The following NTNG1 variants were observed in gnomAD, a reference collection of about 807,000 sequenced individuals.
NTNG1 encodes the protein netrin-G1.
Under a neutral mutation model 54.0 loss-of-function variants are expected in NTNG1, and 16 were observed. The ratio of observed to expected loss-of-function variants is 0.30; its 90% CI spans 0.20 to 0.45. The LOEUF is 0.45. Ranked by LOEUF, NTNG1 falls within the 20% of genes least tolerant of loss-of-function variation. The pLI is 1.00. For synonymous variants in NTNG1, 255 were observed against 263.1 expected (o/e 0.97, Z 0.30); for missense variants, 530 against 678.7 (o/e 0.78, Z 2.43).
intron 2 of NTNG1, 42 bp from the exon 3 acceptor site, chr1:107,324,240 A>C: frequency 6.3e-7 from 1 of 1,586,010 alleles, no homozygotes; most frequent in Non-Finnish European, 8.6e-7. Flanking sequence ...ACTTGTGGCA[A>C]ACCAGTGTTT....
Position 107,302,451 on chromosome 1 carries a change from A to ATAT in NTNG1, c.247-21818_247-21816dup, listed in dbSNP as rs893775839. 1.3e-3 allele frequency among the ~76,000 whole-genome samples: 192 copies of ATAT among 152,162 alleles called. 1 individual carries two copies. The highest frequency in any genetic ancestry group is 4.5e-3 in the African/African-American group (185 of 41,518). On this transcript the variant is annotated intron_variant, in intron 2 of 7. Transcript: ENST00000370068. Reference sequence around the variant, plus strand: ...TTGGCACCTGTCCATTTCAAGAAAAATATTATTATTATTATAAATACTATC... The same window carrying ATAT: ...TTGGCACCTGTCCATTTCAAGAAAAATATTATTATTATTATTATAAATACTATC...
intron 2 of NTNG1, among the ~76,000 whole-genome samples, chr1:107,149,363 A>G (rs910037393): frequency 2.0e-5 from 3 of 152,184 alleles, no homozygotes; most frequent in Admixed American, 6.6e-5. Flanking sequence ...GAAAAAAAGT[A>G]GAGGAGAGAG....
At chr1:107,460,641 T>A (rs1192227659) in intron 7 of NTNG1, among the ~76,000 whole-genome samples, 2 of 152,208 alleles carry the variant, frequency 1.3e-5, no homozygotes, top group African/African-American at 4.8e-5. Flanking sequence ...CAGTACATCC[T>A]TCAGCTTTCA....
chr1:107,153,335 T>C (rs1399427830), intron 2 of NTNG1, among the ~76,000 whole-genome samples: 2 of 152,210 alleles, frequency 1.3e-5, no homozygotes, highest in Non-Finnish European at 2.9e-5. Flanking sequence ...TGACATGGAA[T>C]TACTATCAAT....
At chr1:107,284,499 T>A (rs927318775) in intron 2 of NTNG1, among the ~76,000 whole-genome samples, 3 of 152,078 alleles carry the variant, frequency 2.0e-5, no homozygotes, top group Admixed American at 6.6e-5. Flanking sequence ...CTTCAGCAAG[T>A]CTATACTTAA....
At chr1:107,182,303 A>G (rs756231719) in intron 2 of NTNG1, among the ~76,000 whole-genome samples, 35 of 152,152 alleles carry the variant, frequency 2.3e-4, no homozygotes, top group Admixed American at 7.9e-4. Context: ...ATTTCCTAGC[A>G]ACAGAAACAT....
chr1:107,428,744 AC>A (rs1175422098), intron 5 of NTNG1, among the ~76,000 whole-genome samples: 3 of 152,170 alleles, frequency 2.0e-5, no homozygotes, highest in Middle Eastern at 6.8e-3. Flanking sequence ...AAACTCTCAA[AC>A]ATAGAAGGCT....
At chr1:107,442,013 C>A (rs1373007663) in intron 7 of NTNG1, among the ~76,000 whole-genome samples, 1 of 152,018 alleles carries the variant, frequency 6.6e-6, no homozygotes, top group East Asian at 1.9e-4. Flanking sequence ...GACCACTAGA[C>A]CATTTAGAGG....
At chr1:107,190,884 C>T (rs12727974) in intron 2 of NTNG1, among the ~76,000 whole-genome samples, 1,593 of 152,288 alleles carry the variant, frequency 0.01, 35 homozygotes, top group Admixed American at 0.017. Flanking sequence ...CCGCTATAAA[C>T]ATACATGTGC....
Position 107,148,388 on chromosome 1 carries a change from TAC to T in NTNG1, c.-205_-204del. ...TAGGCTTCCACCAAAGTCCTCAATA[TAC>T]CTGAATACGCACAATATCTTAACTC... On this transcript the variant is annotated 5_prime_UTR_variant, in exon 2 of 8. It removes the in-frame stop codon of an upstream open reading frame in the 5' UTR. Transcript: ENST00000370068. 1 of 547,228 alleles carries T rather than the reference TAC, an allele frequency of 1.8e-6. No homozygotes were observed. Among genetic ancestry groups the T allele is most frequent in the Non-Finnish European group, 3.2e-6 (1 of 307,926 alleles). 33.9% of individuals were successfully genotyped at this position (547,228 alleles called of 1,614,324 possible).
chr1:107,175,736 G>A (rs1401659954), intron 2 of NTNG1, among the ~76,000 whole-genome samples: 1 of 152,106 alleles, frequency 6.6e-6, no homozygotes, highest in African/African-American at 2.4e-5. Flanking sequence ...AGGGCACAGA[G>A]TGAATTTTCT....
At chr1:107,365,579 T>G (rs1253051140) in intron 3 of NTNG1, among the ~76,000 whole-genome samples, 1 of 152,244 alleles carries the variant, frequency 6.6e-6, no homozygotes, top group African/African-American at 2.4e-5. Flanking sequence ...GATGTAATGA[T>G]GTCTATAAAT....
intron 2 of NTNG1, among the ~76,000 whole-genome samples, chr1:107,266,194 A>G (rs1186277128): frequency 6.6e-6 from 1 of 152,222 alleles, no homozygotes; most frequent in Non-Finnish European, 1.5e-5. Context: ...TCACTTGAAT[A>G]GTGAATATGG....
At chr1:107,173,638 T>C (rs1158427997) in intron 2 of NTNG1, among the ~76,000 whole-genome samples, 3 of 152,104 alleles carry the variant, frequency 2.0e-5, no homozygotes, top group Non-Finnish European at 4.4e-5. Context: ...GAGTGTGAGG[T>C]GTTTAATAAG....
chr1:107,191,452 G>T (rs866641147), intron 2 of NTNG1, among the ~76,000 whole-genome samples: 27 of 151,584 alleles, frequency 1.8e-4, no homozygotes, highest in South Asian at 6.3e-4. Context: ...TTTGTCAATT[G>T]TGGCTTTTGT....
intron 3 of NTNG1, among the ~76,000 whole-genome samples, chr1:107,355,239 C>CTTTTTTTTTTTTT (rs1669866323): frequency 6.7e-6 from 1 of 149,664 alleles, no homozygotes; most frequent in Admixed American, 6.6e-5. Context: ...TTTTCAAAGT[C>CTTTTTTTTTTTTT]TTTACAGGTC....
At chr1:107,195,421 T>C (rs764964499) in intron 2 of NTNG1, among the ~76,000 whole-genome samples, 11 of 151,986 alleles carry the variant, frequency 7.2e-5, no homozygotes, top group Non-Finnish European at 1.5e-4. Context: ...TTCAGTCTAT[T>C]TGCAACTTTG....
chr1:107,169,954 A>G (rs950770003), intron 2 of NTNG1, among the ~76,000 whole-genome samples: 7 of 152,204 alleles, frequency 4.6e-5, no homozygotes, highest in African/African-American at 1.7e-4. Context: ...CACAGCTGGA[A>G]TTTTCTCTTC....
chr1:107,197,063 G>A (rs72697695), intron 2 of NTNG1, among the ~76,000 whole-genome samples: 6,332 of 152,084 alleles, frequency 0.042, 139 homozygotes, highest in Non-Finnish European at 0.051. Context: ...AAGTTTTAGC[G>A]TATAAAAGTT....
Sources: gnomAD v4.1 joint callset for allele counts (sites outside exome capture counted in the v4.1 genomes callset) on GRCh38, gnomAD v4.1.1 for gene constraint, MANE v1.5 for transcripts, NCBI Gene and HGNC (gene_info 2026-07-23, HGNC 2026-07-21) for gene names.